Variants in SMYD3 observed in about 807,000 individuals in gnomAD.
SMYD3 encodes the protein SET and MYND domain containing 3.
A neutral mutation model predicts 57.7 loss-of-function variants in SMYD3; 36 were observed. The observed-to-expected ratio is 0.62, with a 90% CI of 0.48 to 0.82. The LOEUF (loss-of-function observed/expected upper bound fraction) is 0.82. Ranked by LOEUF, SMYD3 falls within the 40% of genes least tolerant of loss-of-function variation. SMYD3 has a pLI of 0.00. For synonymous variants in SMYD3, 211 were observed against 195.0 expected (o/e 1.08, Z -0.68); for missense variants, 515 against 538.8 (o/e 0.96, Z 0.44).
intron 2 of SMYD3, among the ~76,000 whole-genome samples, chr1:246,338,650 C>G (rs975000425): frequency 2.0e-5 from 3 of 152,062 alleles, no homozygotes; most frequent in Admixed American, 2.0e-4. Context: ...ACAAGAGTTT[C>G]ATGCTGGAAA....
At chr1:245,785,640 C>CGAGTGA (rs1388018057) in intron 10 of SMYD3, among the ~76,000 whole-genome samples, 16 of 140,806 alleles carry the variant, frequency 1.1e-4, no homozygotes, top group African/African-American at 3.7e-4. Context: ...AGAGAGAGAG[C>CGAGTGA]GAGCGAGAGA....
intron 10 of SMYD3, among the ~76,000 whole-genome samples, chr1:245,848,984 A>G (rs2050813138): frequency 6.6e-6 from 1 of 152,130 alleles, no homozygotes; most frequent in South Asian, 2.1e-4. Context: ...TGGAATTAGT[A>G]TCTAAAACAT....
intron 5 of SMYD3, among the ~76,000 whole-genome samples, chr1:246,101,110 G>T (rs12727490): frequency 9.2e-6 from 1 of 108,874 alleles, no homozygotes; most frequent in Non-Finnish European, 1.7e-5. Flanking sequence ...TACAGAGTAA[G>T]ACGCTTATAA....
chr1:246,410,647 T>A (rs1247150005), intron 1 of SMYD3, among the ~76,000 whole-genome samples: 1 of 152,184 alleles, frequency 6.6e-6, no homozygotes, highest in Non-Finnish European at 1.5e-5. Flanking sequence ...TTGTTGTGTC[T>A]CTGCCAGGCT....
intron 5 of SMYD3, among the ~76,000 whole-genome samples, chr1:246,050,527 C>A (rs997878096): frequency 6.6e-6 from 1 of 152,118 alleles, no homozygotes; most frequent in Non-Finnish European, 1.5e-5. Flanking sequence ...AGAAGAGGTT[C>A]TAAGTGTCAG....
intron 5 of SMYD3, among the ~76,000 whole-genome samples, chr1:246,259,117 T>TTA (rs771316104): frequency 6.6e-6 from 1 of 152,224 alleles, no homozygotes; most frequent in Non-Finnish European, 1.5e-5. Flanking sequence ...CTGGATAGCT[T>TTA]TAGAAGCTTC....
intron 5 of SMYD3, among the ~76,000 whole-genome samples, chr1:246,135,368 C>T (rs1367953897): frequency 6.6e-6 from 1 of 152,098 alleles, no homozygotes; most frequent in Non-Finnish European, 1.5e-5. Context: ...ATTTAAGCTT[C>T]TGGAAGCTAT....
At chr1:246,005,824 C>T (rs1204688032) in intron 5 of SMYD3, among the ~76,000 whole-genome samples, 1 of 152,162 alleles carries the variant, frequency 6.6e-6, no homozygotes, top group African/African-American at 2.4e-5. Context: ...TCAATCATTA[C>T]CAGACGTCGT....
At chr1:246,444,241 T>C (rs1034547562) in intron 1 of SMYD3, among the ~76,000 whole-genome samples, 9 of 151,916 alleles carry the variant, frequency 5.9e-5, no homozygotes, top group African/African-American at 2.2e-4. Context: ...ATTTTCTGCC[T>C]CAGCCTCCCA....
chr1:246,331,257 TG>T (rs1454425962), intron 3 of SMYD3, among the ~76,000 whole-genome samples: 2 of 152,260 alleles, frequency 1.3e-5, no homozygotes, highest in African/African-American at 4.8e-5. Flanking sequence ...CAGAGTTTAC[TG>T]TTTTGCCACT....
chr1:245,819,266 A>G (rs1380844944), intron 10 of SMYD3, among the ~76,000 whole-genome samples: 6 of 139,932 alleles, frequency 4.3e-5, no homozygotes, highest in African/African-American at 1.3e-4. Context: ...AACTACATGG[A>G]AACTGAACAA....
At chr1:246,446,281 G>A (rs2067550704) in intron 1 of SMYD3, among the ~76,000 whole-genome samples, 1 of 151,650 alleles carries the variant, frequency 6.6e-6, no homozygotes, top group African/African-American at 2.4e-5. Flanking sequence ...AGTAAGCAGA[G>A]AATCAAAGAC....
At chr1:246,248,253 G>A (rs911614052) in intron 5 of SMYD3, among the ~76,000 whole-genome samples, 1 of 152,126 alleles carries the variant, frequency 6.6e-6, no homozygotes, top group East Asian at 1.9e-4. Flanking sequence ...TTCTGACCAT[G>A]TCATCAAATC....
Position 245,863,796 on chromosome 1 carries a change from T to C in SMYD3, c.901+3A>G, listed in dbSNP as rs1252595953. 6.2e-7 allele frequency: 1 copy of C among 1,613,290 alleles called. No individual in the cohort carries two copies. Among genetic ancestry groups the C allele is most frequent in the Admixed American group, 1.7e-5 (1 of 60,020 alleles). ...CCACCTCAATCCACAGGCGAAAGGA[T>C]ACTCCAGTGTGCCTTCAGTTCTTCA... On this transcript the variant is annotated splice_donor_region_variant and intron_variant, in intron 9 of 11. Coordinates refer to ENST00000490107, the MANE Select transcript of SMYD3 (RefSeq NM_001167740.2).
At chr1:245,833,290 T>C (rs2049950459) in intron 10 of SMYD3, among the ~76,000 whole-genome samples, 1 of 152,174 alleles carries the variant, frequency 6.6e-6, no homozygotes, top group Middle Eastern at 3.2e-3. Flanking sequence ...AGGCTTTACT[T>C]AGATTTCACC....
At chr1:245,947,460 C>T (rs765309136) in intron 5 of SMYD3, 9 of 455,900 alleles carry the variant, frequency 2.0e-5, no homozygotes, top group Admixed American at 4.7e-5. Context: ...CCTTCTGCTA[C>T]CCCATGTCAC....
intron 5 of SMYD3, among the ~76,000 whole-genome samples, chr1:246,246,277 A>T (rs1250879078): frequency 6.6e-6 from 1 of 152,142 alleles, no homozygotes; most frequent in Admixed American, 6.5e-5. Context: ...TTACGGTATG[A>T]TCCTTGATCT....
At chr1:246,103,828 T>C (rs1396556227) in intron 5 of SMYD3, among the ~76,000 whole-genome samples, 1 of 152,264 alleles carries the variant, frequency 6.6e-6, no homozygotes, top group Admixed American at 6.5e-5. Context: ...CCCACCCATC[T>C]GCTGATCACT....
intron 1 of SMYD3, among the ~76,000 whole-genome samples, chr1:246,379,338 TTTA>T (rs1320010512): frequency 6.6e-6 from 1 of 152,050 alleles, no homozygotes; most frequent in African/African-American, 2.4e-5. Context: ...TCATCACGGT[TTTA>T]TTATTAAGAT....
Sources: allele counts gnomAD v4.1 joint callset (sites outside exome capture counted in the v4.1 genomes callset), GRCh38; gene constraint gnomAD v4.1.1; transcripts MANE v1.5; gene names NCBI Gene and HGNC (gene_info 2026-07-23, HGNC 2026-07-21).